MXRA7: variants seen among roughly 807,000 people sequenced by gnomAD.
MXRA7 encodes the protein matrix remodeling associated 7.
In MXRA7, 18 loss-of-function variants were observed where a neutral mutation model predicts 17.4. The ratio of observed to expected loss-of-function variants is 1.03; its 90% CI spans 0.71 to 1.53. MXRA7 has a LOEUF of 1.53. Among genes scored for constraint, MXRA7 ranks in the 40% most tolerant of loss-of-function variants. The pLI is 0.00. For missense variants in MXRA7, 141 were observed against 209.3 expected, an observed-to-expected ratio of 0.67 and a Z score of 2.01; for synonymous variants, 70 against 101.7, an observed-to-expected ratio of 0.69 and a Z score of 1.87.
Position 76,688,941 on chromosome 17 carries a change from T to G in MXRA7, c.343-765A>C, listed in dbSNP as rs896604780. 2.3e-5 allele frequency: 6 copies of G among 255,426 alleles called. No homozygotes were observed. In the Admixed American group the frequency reaches 2.7e-4, roughly 12 times the overall value. 15.8% of individuals were successfully genotyped at this position (255,426 alleles called of 1,614,324 possible). A position where few individuals can be genotyped will look rare whatever the true frequency, so the allele number is the denominator to read the frequency against. On this transcript the variant is annotated intron_variant, in intron 1 of 3. Coordinates refer to ENST00000449428, the MANE Select transcript of MXRA7 (RefSeq NM_198530.4). Reference sequence around the variant, plus strand: ...CTGATCCCATGGAGCCCAGCCAGCGTCGGCCGCTCACGGGAGGCTCCCTAA... The same window carrying G: ...CTGATCCCATGGAGCCCAGCCAGCGGCGGCCGCTCACGGGAGGCTCCCTAA...
At chr17:76,696,876 C>T (rs1015675434) in intron 1 of MXRA7, among the ~76,000 whole-genome samples, 4 of 152,264 alleles carry the variant, frequency 2.6e-5, no homozygotes, top group African/African-American at 4.8e-5. Flanking sequence ...TTCCTGGAGG[C>T]GGCACGAACC....
intron 3 of MXRA7, 50 bp downstream of exon 3, chr17:76,685,022 C>A (rs753043768): frequency 1.0e-5 from 15 of 1,494,406 alleles, no homozygotes; most frequent in Non-Finnish European, 1.3e-5. Context: ...AGAGGGGCAC[C>A]CCCCTCCCCC....
At chr17:76,700,554 CAA>C (rs1273864472) in intron 1 of MXRA7, among the ~76,000 whole-genome samples, 1 of 152,078 alleles carries the variant, frequency 6.6e-6, no homozygotes, top group Non-Finnish European at 1.5e-5. Flanking sequence ...AGGTGGGAGA[CAA>C]AGAGACAGGA....
At chr17:76,673,683 A>G (rs1206243061) in exon 4 of MXRA7, 1 of 104,902 alleles carries the variant, frequency 9.5e-6, no homozygotes, top group Non-Finnish European at 2.4e-5. Context: ...AATTACTTAC[A>G]TTTTCAAATT....
At position 76,710,910 on chromosome 17, in the gene MXRA7, C is replaced by A. The variant is rs970079140; in HGVS notation, c.37G>T (p.Ala13Ser). The A allele has an allele frequency of 1.3e-3, 1,274 of 1,001,482 alleles. 2 individuals are homozygous for A. Among genetic ancestry groups the A allele is most frequent in the Non-Finnish European group, 1.3e-3 (1,124 of 843,136 alleles). The allele number at this position is 1,001,482 out of a possible 1,614,324, so 62.0% of individuals were successfully genotyped here. ...AGAAGGGCCAGCGCGGTGGCCAGCG[C>A]AGGCAGCGCGGCCAGTAGCTCGGCC... Reference protein sequence around the residue: ...APAELLAALPALATALALLLA... With the variant: ...APAELLAALPSLATALALLLA... The change falls in exon 1 of 4, where the codon GCG becomes TCG. Residue 13 changes from alanine (A) to serine (S), a missense_variant. Transcript: ENST00000449428.
chr17:76,695,259 T>C (rs1243244583), intron 1 of MXRA7, among the ~76,000 whole-genome samples: 1 of 152,088 alleles, frequency 6.6e-6, no homozygotes. Flanking sequence ...AAAGTGAAAG[T>C]GCTGACTCCA....
rs777835744 is a variant in MXRA7 at position 76,685,174 on chromosome 17, G to A, written c.407-9C>T. 4.5e-5 allele frequency: 72 copies of A among 1,609,680 alleles called. No homozygotes were observed. The highest frequency in any genetic ancestry group is 5.9e-5 in the Non-Finnish European group (69 of 1,176,030). ...GAAGGAGAAGCCTTCTCCTGTGGAG[G>A]GGGGACCCAGTAAGTGCCAGGAGTG... On this transcript the variant is annotated splice_polypyrimidine_tract_variant and intron_variant, in intron 2 of 3. Transcript: ENST00000449428.
At position 76,710,932 on chromosome 17, in the gene MXRA7, G is replaced by T; in HGVS notation, c.15C>A (p.Ala5=). MEAP[A]ELLAALPALA... The stretch of plus-strand genomic sequence containing the variant: ...GCGCAGGCAGCGCGGCCAGTAGCTC[G>T]GCCGGCGCCTCCATCGCGCCGCGGC... The change falls in exon 1 of 4, where the codon GCC becomes GCA. Residue 5 remains alanine, a synonymous_variant. Transcript: ENST00000449428. The T allele has an allele frequency of 2.7e-5, 27 of 996,594 alleles. No individual in the cohort carries two copies. The highest frequency in any genetic ancestry group is 3.1e-5 in the Non-Finnish European group (26 of 840,554). The allele number at this position is 996,594 out of a possible 1,614,324, so 61.7% of individuals were successfully genotyped here.
intron 3 of MXRA7, among the ~76,000 whole-genome samples, chr17:76,684,251 G>A (rs1224908355): frequency 6.6e-6 from 1 of 152,206 alleles, no homozygotes; most frequent in Non-Finnish European, 1.5e-5. Context: ...TAGACCGCTG[G>A]TTTCTGCTGA....
intron 1 of MXRA7, among the ~76,000 whole-genome samples, chr17:76,690,914 AG>A: frequency 6.6e-6 from 1 of 152,004 alleles, no homozygotes. Flanking sequence ...CCTAAGTTAC[AG>A]GGGTGCTAGC....
chr17:76,691,096 C>T (rs908524209), intron 1 of MXRA7, among the ~76,000 whole-genome samples: 2 of 152,124 alleles, frequency 1.3e-5, no homozygotes, highest in South Asian at 4.2e-4. Flanking sequence ...AACTTTCAGC[C>T]CCACCACCCC....
At chr17:76,688,007 CATCCCTCCCCTCGG>C in intron 2 of MXRA7, 92 bp downstream of exon 2, 1 of 889,626 alleles carries the variant, frequency 1.1e-6, no homozygotes, top group Non-Finnish European at 1.8e-6. Context: ...TGTCCCACCC[CATCCCTCCCCTCGG>C]CACTCGAACC....
chr17:76,707,011 A>G (rs906529194), intron 1 of MXRA7, among the ~76,000 whole-genome samples: 4 of 152,096 alleles, frequency 2.6e-5, no homozygotes, highest in Admixed American at 1.3e-4. Flanking sequence ...GCATCTTCCT[A>G]AGGATAAGGA....
chr17:76,674,889 T>G (rs985146010), downstream of MXRA7: 6 of 152,274 alleles, frequency 3.9e-5, no homozygotes, highest in Non-Finnish European at 5.9e-5. Context: ...CTTTTCTTGC[T>G]TCTGGATGAG....
At chr17:76,694,968 GA>G (rs1210649004) in intron 1 of MXRA7, among the ~76,000 whole-genome samples, 2 of 152,050 alleles carry the variant, frequency 1.3e-5, no homozygotes, top group African/African-American at 4.8e-5. Flanking sequence ...GACCAGCCTG[GA>G]CAACATAGTG....
chr17:76,687,995 ACT>A (rs1432276438), intron 2 of MXRA7, 116 bp downstream of exon 2: 4 of 968,168 alleles, frequency 4.1e-6, no homozygotes, highest in Non-Finnish European at 6.3e-6. Flanking sequence ...CACTCAGGCC[ACT>A]GTCCCACCCC....
At chr17:76,699,259 C>G (rs1392357299) in intron 1 of MXRA7, among the ~76,000 whole-genome samples, 2 of 152,186 alleles carry the variant, frequency 1.3e-5, no homozygotes, top group African/African-American at 2.4e-5. Context: ...AACCCTCCCC[C>G]CTCAGCCTCC....
intron 1 of MXRA7, among the ~76,000 whole-genome samples, chr17:76,695,190 A>G (rs971251414): frequency 6.6e-6 from 1 of 152,126 alleles, no homozygotes; most frequent in Admixed American, 6.6e-5. Flanking sequence ...ATAAAACAAT[A>G]AAACCACCAG....
intron 3 of MXRA7, chr17:76,683,990 T>C: frequency 8.0e-7 from 1 of 1,243,744 alleles, no homozygotes; most frequent in Non-Finnish European, 1.2e-6. Context: ...ACCTGAGGAC[T>C]CGGGGCTCCT....
Sources: gnomAD v4.1 joint callset for allele counts (sites outside exome capture counted in the v4.1 genomes callset) on GRCh38, gnomAD v4.1.1 for gene constraint, MANE v1.5 for transcripts, NCBI Gene and HGNC (gene_info 2026-07-23, HGNC 2026-07-21) for gene names.